Variants in AMY2B observed in about 807,000 individuals in gnomAD.
AMY2B encodes the protein alpha-amylase 2B.
Under a neutral mutation model 59.3 loss-of-function variants are expected in AMY2B, and 63 were observed. That is an observed-to-expected ratio of 1.06 (90% CI 0.87 to 1.31). The LOEUF (loss-of-function observed/expected upper bound fraction) is 1.31, where lower values mean the gene tolerates loss of function less well. AMY2B is among the 50% of genes most tolerant of loss of function. The pLI, the probability that AMY2B is intolerant of heterozygous loss-of-function variation, is 0.00. For missense variants in AMY2B, 635 were observed against 626.7 expected (o/e 1.01, Z -0.14); for synonymous variants, 180 against 198.1 (o/e 0.91, Z 0.77).
chr1:103,573,242 C>T lies in AMY2B; in HGVS notation c.495C>T (p.Asn165=). 8.1e-6 allele frequency: 13 copies of T among 1,613,612 alleles called. No individual in the cohort carries two copies. Among genetic ancestry groups the T allele is most frequent in the Non-Finnish European group, 1.1e-5 (13 of 1,179,614 alleles). The change falls in exon 3 of 10, where the codon AAC becomes AAT. Residue 165 remains asparagine, a synonymous_variant. Transcript: ENST00000684275. ...KCKTGSGDIE[N]YNDATQVRDC... is the part of the protein sequence containing the mutation. ...AAACTGGAAGTGGAGATATCGAGAA[C>T]TACAATGATGCTACTCAGGTAAATT...
Position 103,571,611 on chromosome 1 carries a change from C to A in AMY2B, c.9C>A (p.Phe3Leu), listed in dbSNP as rs1252080358. The A allele has an allele frequency of 3.7e-6, 6 of 1,611,016 alleles. No individual in the cohort carries two copies. Among genetic ancestry groups the A allele is most frequent in the East Asian group, 4.5e-5 (2 of 44,844 alleles). The part of the protein sequence containing the change: MK[F>L]FLLLFTIGFC... ...GACAACTTCAAAGCAAAATGAAGTT[C>A]TTTCTGTTGCTTTTCACCATTGGGT... The change falls in exon 1 of 10, where the codon TTC (phenylalanine) becomes TTA (leucine). Residue 3 changes from phenylalanine (F) to leucine (L), a missense_variant. By Grantham distance (22) the Phe-to-Leu change is conservative (BLOSUM62 0). Coordinates refer to ENST00000684275, the MANE Select transcript of AMY2B (RefSeq NM_001387437.1).
chr1:103,555,516 C>T (rs1268052170), intron 1 of AMY2B, among the ~76,000 whole-genome samples: 1 of 152,062 alleles, frequency 6.6e-6, no homozygotes, highest in African/African-American at 2.4e-5. Context: ...TGCTGTAATA[C>T]AGTCTTCCAT....
chr1:103,571,831 G>C (rs956551473), intron 1 of AMY2B, 61 bp downstream of exon 1: 1 of 1,611,722 alleles, frequency 6.2e-7, no homozygotes, highest in African/African-American at 1.3e-5. Context: ...ATAGTATTCT[G>C]ATCTTATCCG....
chr1:103,571,856 C>T (rs1652145280), intron 1 of AMY2B, 86 bp downstream of exon 1: 1 of 1,610,074 alleles, frequency 6.2e-7, no homozygotes, highest in South Asian at 1.1e-5. Flanking sequence ...GCTTAGGCAA[C>T]ATTTTACTTC....
In AMY2B at chr1:103,571,906, A is replaced by T. The variant is rs1299012793; in HGVS notation, c.168+136A>T. ...TAAGTAAGAGTTTTCTGAGGAAAAA[A>T]CAATGTAGTATTCTTGGCAACTTTA... On this transcript the variant is annotated intron_variant, in intron 1 of 9. Coordinates refer to ENST00000684275, the MANE Select transcript of AMY2B (RefSeq NM_001387437.1). 5 of 1,581,066 alleles carry T rather than the reference A, an allele frequency of 3.2e-6. No homozygotes were observed. In the Admixed American group the frequency reaches 9.1e-5, roughly 29 times the overall value.
chr1:103,571,793 A>G, intron 1 of AMY2B, 23 bp downstream of exon 1: 1 of 1,611,960 alleles, frequency 6.2e-7, no homozygotes, highest in African/African-American at 1.3e-5. Flanking sequence ...CATAGTATCA[A>G]TTGCAGAATT....
intron 1 of AMY2B, 78 bp from the exon 2 acceptor site, chr1:103,572,032 A>G (rs1652154316): frequency 1.9e-6 from 3 of 1,592,848 alleles, no homozygotes; most frequent in Non-Finnish European, 1.7e-6. Context: ...AGAATTTTTT[A>G]TATTATTGAT....
chr1:103,555,809 T>C (rs1379709730), intron 1 of AMY2B, among the ~76,000 whole-genome samples: 1 of 152,066 alleles, frequency 6.6e-6, no homozygotes, highest in East Asian at 1.9e-4. Context: ...TGGAGGGCAA[T>C]GTAGTATCAA....
At chr1:103,566,518 T>G (rs1651917789) in intron 2 of AMY2B, among the ~76,000 whole-genome samples, 1 of 152,216 alleles carries the variant, frequency 6.6e-6, no homozygotes, top group South Asian at 2.1e-4. Context: ...TATATTTTTT[T>G]ACTTTTTATT....
upstream of AMY2B, chr1:103,570,449 T>A: frequency 1.3e-6 from 1 of 778,154 alleles, no homozygotes; most frequent in East Asian, 3.4e-5. Flanking sequence ...CGGTGCTATC[T>A]GGTGGCAACA....
In AMY2B at chr1:103,573,050, C is replaced by G; in HGVS notation, c.316-13C>G. On this transcript the variant is annotated splice_polypyrimidine_tract_variant and intron_variant, in intron 2 of 9. Coordinates refer to ENST00000684275, the MANE Select transcript of AMY2B (RefSeq NM_001387437.1). Reference sequence around the variant, plus strand: ...TCTGTAAGTCACACTGAAGTAGAAACTTTGCTTTCTAGGTTCGTATTTATG... The same window carrying G: ...TCTGTAAGTCACACTGAAGTAGAAAGTTTGCTTTCTAGGTTCGTATTTATG... 1 of 1,613,102 alleles carries G rather than the reference C, an allele frequency of 6.2e-7. No homozygotes were observed. The highest frequency in any genetic ancestry group is 8.5e-7 in the Non-Finnish European group (1 of 1,179,574).
intron 1 of AMY2B, among the ~76,000 whole-genome samples, chr1:103,556,932 C>G (rs1337511423): frequency 1.3e-5 from 2 of 151,966 alleles, no homozygotes; most frequent in African/African-American, 4.8e-5. Flanking sequence ...GTAATTCATG[C>G]TAACAAATAA....
chr1:103,555,882 G>GA (rs1472861229), intron 1 of AMY2B, among the ~76,000 whole-genome samples: 8 of 152,082 alleles, frequency 5.3e-5, no homozygotes, highest in Non-Finnish European at 1.0e-4. Context: ...TCAGTAGAGA[G>GA]AAAAAACATA....
chr1:103,565,089 G>A (rs1366473107), intron 1 of AMY2B: 1 of 152,056 alleles, frequency 6.6e-6, no homozygotes, highest in East Asian at 1.9e-4. Flanking sequence ...CTCTATTCCA[G>A]GGGTATATGT....
intron 7 of AMY2B, among the ~76,000 whole-genome samples, chr1:103,575,932 A>G (rs1652336296): frequency 2.6e-5 from 4 of 152,160 alleles, no homozygotes; most frequent in Admixed American, 1.3e-4. Flanking sequence ...AACAATATAA[A>G]TGTTCGTTAA....
chr1:103,569,194 T>G (rs749993641), upstream of AMY2B: 3 of 151,992 alleles, frequency 2.0e-5, no homozygotes, highest in Non-Finnish European at 4.4e-5. Flanking sequence ...GGGAACTACA[T>G]TCAAGATGAG....
In AMY2B at chr1:103,575,517, C is replaced by T; in HGVS notation, c.1078C>T (p.Pro360Ser). 1 of 1,613,634 alleles carries T rather than the reference C, an allele frequency of 6.2e-7. No individual in the cohort carries two copies. Among genetic ancestry groups the T allele is most frequent in the Non-Finnish European group, 8.5e-7 (1 of 1,179,778 alleles). Residue 360 changes from proline (P) to serine (S), a missense_variant, in exon 7 of 10, where the codon CCA (proline) becomes TCA (serine). Physicochemically the swap from Pro to Ser is moderately conservative, Grantham distance 74 (BLOSUM62 -1). Transcript: ENST00000684275. ...ACGAGTAATGTCAAGCTACCGTTGG[C>T]CAAGACAGTTTCAAAATGGAAACGT... ...FTRVMSSYRW[P>S]RQFQNGNDVN...
At chr1:103,576,108 A>G (rs1652342341) in intron 7 of AMY2B, among the ~76,000 whole-genome samples, 1 of 152,196 alleles carries the variant, frequency 6.6e-6, no homozygotes, top group African/African-American at 2.4e-5. Flanking sequence ...GGAGTATGGT[A>G]AAGACATTTA....
chr1:103,574,351 C>G lies in AMY2B; in HGVS notation c.836C>G (p.Thr279Arg), dbSNP rs1652260261. Residue 279 changes from threonine to arginine, a missense_variant, in exon 5 of 10, where the codon ACA (threonine) becomes AGA (arginine). By Grantham distance (71) the Thr-to-Arg change is moderately conservative. Transcript: ENST00000684275. ...TEFKYGAKLG[T>R]VIRKWNGEKM... ...TTCAAGTATGGTGCAAAACTCGGCA[C>G]AGTTATTCGCAAGTGGAATGGAGAG... The G allele has an allele frequency of 1.2e-6, 2 of 1,611,238 alleles. No individual in the cohort carries two copies. The highest frequency in any genetic ancestry group is 1.7e-6 in the Non-Finnish European group (2 of 1,179,658).
Sources: allele counts gnomAD v4.1 joint callset (sites outside exome capture counted in the v4.1 genomes callset), GRCh38; gene constraint gnomAD v4.1.1; transcripts MANE v1.5; gene names NCBI Gene and HGNC (gene_info 2026-07-23, HGNC 2026-07-21).